The following FKBP5 variants were observed in gnomAD, a reference collection of about 807,000 sequenced individuals.
FKBP5 encodes the protein FKBP prolyl isomerase 5.
FKBP5 carries 23 observed loss-of-function variants against 50.5 expected under a neutral mutation model. That is an observed-to-expected ratio of 0.46 (90% CI 0.33 to 0.65). FKBP5 has a LOEUF of 0.65. FKBP5 is among the 30% of genes least tolerant of loss of function. The probability of loss-of-function intolerance (pLI) is 0.02; values close to 1 mark genes in which losing one functional copy is unlikely to be tolerated. For missense variants in FKBP5, 411 were observed against 553.1 expected (o/e 0.74, Z 2.58); for synonymous variants, 176 against 190.6 (o/e 0.92, Z 0.63).
At position 35,589,088 on chromosome 6, in the gene FKBP5, A is replaced by T. The variant is rs866837610; in HGVS notation, c.757-1971T>A. On this transcript the variant is annotated intron_variant, in intron 7 of 10. Coordinates refer to ENST00000357266, the MANE Select transcript of FKBP5 (RefSeq NM_004117.4). ...TGTGTGTGTATATATTTATATATAT[A>T]TTTTTATATATATATATATTTTTAT... Among the ~76,000 whole-genome samples the T allele has an allele frequency of 6.6e-3, 825 of 125,846 alleles. 8 individuals carry two copies. The highest frequency in any genetic ancestry group is 0.02 in the African/African-American group (624 of 30,720). 82.6% of individuals were successfully genotyped at this position (125,846 alleles called of 152,430 possible). A position where few individuals can be genotyped will look rare whatever the true frequency, so the allele number is the denominator to read the frequency against.
At chr6:35,672,985 G>A (rs1199637943) in intron 1 of FKBP5, among the ~76,000 whole-genome samples, 2 of 152,000 alleles carry the variant, frequency 1.3e-5, no homozygotes, top group Admixed American at 1.3e-4. Context: ...AAAATGCAGA[G>A]AGGGCAAATG....
chr6:35,592,934 GA>G (rs2150961650), intron 6 of FKBP5, among the ~76,000 whole-genome samples: 1 of 152,328 alleles, frequency 6.6e-6, no homozygotes, highest in East Asian at 1.9e-4. Context: ...TGCCTGTGGG[GA>G]ATGTGGGGCT....
At chr6:35,695,333 T>A (rs1183451148) in intron 2 of FKBP5, among the ~76,000 whole-genome samples, 1 of 152,118 alleles carries the variant, frequency 6.6e-6, no homozygotes, top group African/African-American at 2.4e-5. Context: ...CTGACTAATC[T>A]TTTGTATTTT....
At chr6:35,598,070 T>C (rs938495244) in intron 5 of FKBP5, among the ~76,000 whole-genome samples, 34 of 152,150 alleles carry the variant, frequency 2.2e-4, no homozygotes, top group African/African-American at 7.2e-4. Flanking sequence ...TCCCCTGAAA[T>C]ATTAGGAGGT....
At position 35,577,001 on chromosome 6, in the gene FKBP5, T is replaced by C. The variant is rs1314632952; in HGVS notation, c.1259A>G (p.Asp420Gly). Residue 420 changes from aspartate (D) to glycine (G), a missense_variant, in exon 10 of 11, where the codon GAT becomes GGT. By Grantham distance (94) the Asp-to-Gly change is moderately conservative. Transcript: ENST00000357266. ...ANMFKKFAEQ[D>G]AKEEANKAMG... is the part of the protein sequence containing the mutation. Reference sequence around the variant, plus strand: ...ATCAGGCTCTGCACACACCTTGGCATCCTGCTCTGCAAACTTCTTGAACAT... The same window carrying C: ...ATCAGGCTCTGCACACACCTTGGCACCCTGCTCTGCAAACTTCTTGAACAT... The C allele has an allele frequency of 6.2e-7, 1 of 1,613,824 alleles. No individual in the cohort carries two copies.
chr6:35,604,383 T>C (rs1581805270), intron 5 of FKBP5, among the ~76,000 whole-genome samples: 2 of 152,228 alleles, frequency 1.3e-5, no homozygotes, highest in Admixed American at 6.5e-5. Flanking sequence ...AAAGAAATTA[T>C]ATAAATCCAA....
At chr6:35,692,525 G>A (rs566077638), upstream of FKBP5, among the ~76,000 whole-genome samples, 11 of 152,104 alleles carry the variant, frequency 7.2e-5, no homozygotes, top group South Asian at 2.1e-4. Context: ...TATGCCAGGC[G>A]TGGTGGTTCA....
At chr6:35,614,062 A>C (rs1419208632) in intron 5 of FKBP5, among the ~76,000 whole-genome samples, 1 of 152,106 alleles carries the variant, frequency 6.6e-6, no homozygotes, top group Non-Finnish European at 1.5e-5. Context: ...CATGTGGCTA[A>C]ATGTTAAACT....
chr6:35,684,844 T>C (rs1241482318), intron 1 of FKBP5, among the ~76,000 whole-genome samples: 1 of 151,910 alleles, frequency 6.6e-6, no homozygotes, highest in Non-Finnish European at 1.5e-5. Context: ...CTGGGCAACA[T>C]AGTGAGACCT....
chr6:35,703,225 G>A (rs545326311), intron 2 of FKBP5, among the ~76,000 whole-genome samples: 67 of 151,824 alleles, frequency 4.4e-4, no homozygotes, highest in African/African-American at 1.6e-3. Flanking sequence ...ACTCCAGCCT[G>A]GGCAACAAGA....
intron 1 of FKBP5, among the ~76,000 whole-genome samples, chr6:35,658,124 C>A (rs1765005596): frequency 6.6e-6 from 1 of 151,732 alleles, no homozygotes; most frequent in Non-Finnish European, 1.5e-5. Flanking sequence ...TGCCTGTAAT[C>A]CCAGCACTTT....
chr6:35,661,253 T>C lies in FKBP5; in HGVS notation c.-19-18410A>G, dbSNP rs1408958139. On this transcript the variant is annotated intron_variant, in intron 1 of 10. Coordinates refer to ENST00000357266, the MANE Select transcript of FKBP5 (RefSeq NM_004117.4). ...ATCCTCTCATCTCAGCCTCCCAATG[T>C]ACTGGGATTACAGGCATGAGCCACC... Among the ~76,000 whole-genome samples the C allele has an allele frequency of 2.4e-5, 2 of 83,260 alleles. 1 individual carries two copies. Among genetic ancestry groups the C allele is most frequent in the African/African-American group, 7.5e-5 (2 of 26,786 alleles). 54.6% of individuals were successfully genotyped at this position (83,260 alleles called of 152,430 possible).
rs6914554 is a variant in FKBP5 at position 35,718,614 on chromosome 6, T to C, written c.-20+1714A>G. ...TATAAGGCCCGGCCTCACCTGGGAATCCCAATTCGGACTCCATAGCAAGCT... is the reference window on the plus strand; with the variant it reads ...TATAAGGCCCGGCCTCACCTGGGAACCCCAATTCGGACTCCATAGCAAGCT... On this transcript the variant is annotated intron_variant, in intron 2 of 11. Coordinates refer to the FKBP5 transcript ENST00000536438. Among the ~76,000 whole-genome samples, 853 of 152,268 alleles carry C rather than the reference T, an allele frequency of 5.6e-3. 3 individuals are homozygous for C. Among genetic ancestry groups the C allele is most frequent in the Middle Eastern group, 0.02 (6 of 294 alleles).
At chr6:35,599,936 T>G (rs1343690784) in intron 5 of FKBP5, among the ~76,000 whole-genome samples, 1 of 152,230 alleles carries the variant, frequency 6.6e-6, no homozygotes, top group Non-Finnish European at 1.5e-5. Context: ...TCATCAGGTA[T>G]TCTCATCACT....
At chr6:35,707,117 G>A (rs1581897974) in intron 2 of FKBP5, among the ~76,000 whole-genome samples, 1 of 151,978 alleles carries the variant, frequency 6.6e-6, no homozygotes, top group South Asian at 2.1e-4. Flanking sequence ...GAGGAAAAAG[G>A]ACTCGTTTTT....
intron 4 of FKBP5, 101 bp downstream of exon 4, chr6:35,620,031 T>G: frequency 1.4e-6 from 2 of 1,409,554 alleles, no homozygotes; most frequent in Non-Finnish European, 2.0e-6. Flanking sequence ...TGGATCTGAT[T>G]CTCTATAGCA....
intron 2 of FKBP5, among the ~76,000 whole-genome samples, chr6:35,702,699 G>A (rs12190582): frequency 0.15 from 22,838 of 151,638 alleles, 2,181 homozygotes; most frequent in South Asian, 0.22. Context: ...TGATCCACCC[G>A]CCTCGGCCTT....
rs1386311348 is a variant in FKBP5, at chr6:35,575,089, T to C, written c.*746A>G. 6.6e-6 allele frequency: 1 copy of C among 152,198 alleles called. No homozygotes were observed. The highest frequency in any genetic ancestry group is 2.4e-5 in the African/African-American group (1 of 41,456). 9.4% of individuals were successfully genotyped at this position (152,198 alleles called of 1,614,324 possible). On this transcript the variant is annotated 3_prime_UTR_variant, in exon 11 of 11. Coordinates refer to ENST00000357266, the MANE Select transcript of FKBP5 (RefSeq NM_004117.4). ...CTTCATCGAAAATAGGAAAAGCTAA[T>C]CCAGAAACTCTCATCTGCTCATTAT...
At chr6:35,716,118 TC>T (rs1428973537) in intron 2 of FKBP5, among the ~76,000 whole-genome samples, 1 of 152,102 alleles carries the variant, frequency 6.6e-6, no homozygotes, top group Non-Finnish European at 1.5e-5. Context: ...GCATCTGTAA[TC>T]CCAGCAACTC....
Sources: gnomAD v4.1 joint callset for allele counts (sites outside exome capture counted in the v4.1 genomes callset) on GRCh38, gnomAD v4.1.1 for gene constraint, MANE v1.5 for transcripts, NCBI Gene and HGNC (gene_info 2026-07-23, HGNC 2026-07-21) for gene names.